PRR16: variants seen among roughly 807,000 people sequenced by gnomAD.
The protein encoded by PRR16 is proline rich 16, also known as protein Largen.
Under a neutral mutation model 18.2 loss-of-function variants are expected in PRR16, and 6 were observed. That is an observed-to-expected ratio of 0.33 (90% CI 0.18 to 0.65). The LOEUF (loss-of-function observed/expected upper bound fraction) is 0.65, where lower values mean the gene tolerates loss of function less well. Ranked by LOEUF, PRR16 falls within the 30% of genes least tolerant of loss-of-function variation. PRR16 has a pLI of 0.74. For missense variants in PRR16, 412 were observed against 376.6 expected (o/e 1.09, Z -0.78); for synonymous variants, 151 against 147.8 (o/e 1.02, Z -0.16).
At chr5:120,787,015 G>C in the PRR16 span, among the ~76,000 whole-genome samples, 1 of 152,084 alleles carries the variant, frequency 6.6e-6, no homozygotes, top group African/African-American at 2.4e-5. Flanking sequence ...ATTTCAAACA[G>C]AATAGAGCAA....
At chr5:120,552,512 G>A (rs543149733) in intron 1 of PRR16, among the ~76,000 whole-genome samples, 1 of 151,956 alleles carries the variant, frequency 6.6e-6, no homozygotes, top group Admixed American at 6.6e-5. Context: ...AGATAAACTT[G>A]CAAATAAGAA....
Position 120,558,927 on chromosome 5 carries a change from G to A in PRR16, c.159+94282G>A, listed in dbSNP as rs1354821420. Among the ~76,000 whole-genome samples, 4 of 151,734 alleles carry A rather than the reference G, an allele frequency of 2.6e-5. No individual in the cohort carries two copies. In the East Asian group the frequency reaches 7.7e-4, roughly 29 times the overall value. ...GAACACCTTTTCATTTGCCTGTTTGGCACTGATATGGCTTCTTTTGAGAAA... is the reference window on the plus strand; with the variant it reads ...GAACACCTTTTCATTTGCCTGTTTGACACTGATATGGCTTCTTTTGAGAAA... On this transcript the variant is annotated intron_variant, in intron 1 of 1. Coordinates refer to ENST00000407149, the MANE Select transcript of PRR16 (RefSeq NM_001300783.2).
the PRR16 span, among the ~76,000 whole-genome samples, chr5:120,779,078 T>C: frequency 2.0e-5 from 3 of 152,300 alleles, no homozygotes; most frequent in Admixed American, 6.5e-5. Context: ...TCATTTCCAA[T>C]GGAACTTAGT....
intron 1 of PRR16, among the ~76,000 whole-genome samples, chr5:120,660,813 A>C (rs1277661753): frequency 6.6e-6 from 1 of 152,086 alleles, no homozygotes; most frequent in South Asian, 2.1e-4. Context: ...TTAAATTATG[A>C]TAGTATTTAG....
intron 1 of PRR16, among the ~76,000 whole-genome samples, chr5:120,635,209 T>A (rs551343456): frequency 2.0e-4 from 31 of 152,216 alleles, no homozygotes; most frequent in African/African-American, 7.5e-4. Context: ...TGGTACCAAT[T>A]TGTTTGACAC....
At chr5:120,644,564 G>A (rs978001054) in intron 1 of PRR16, among the ~76,000 whole-genome samples, 5 of 152,118 alleles carry the variant, frequency 3.3e-5, no homozygotes, top group African/African-American at 9.7e-5. Flanking sequence ...TTTTACACCT[G>A]AGTCAACAGA....
In PRR16 at chr5:120,554,634, CTA is replaced by C. The variant is rs532551169; in HGVS notation, c.159+89991_159+89992del. Among the ~76,000 whole-genome samples, 27 of 151,972 alleles carry C rather than the reference CTA, an allele frequency of 1.8e-4. 2 individuals carry two copies. The South Asian group carries it at 4.4e-3, about 25-fold the overall frequency. Reference sequence around the variant, plus strand: ...GAGAACTAGCATTTGTGACTAGGGACTATGTTTCAGATCTTACGTTAGTTATT... The same window carrying C: ...GAGAACTAGCATTTGTGACTAGGGACTGTTTCAGATCTTACGTTAGTTATT... On this transcript the variant is annotated intron_variant, in intron 1 of 1. Coordinates refer to ENST00000407149, the MANE Select transcript of PRR16 (RefSeq NM_001300783.2).
At chr5:120,634,728 C>A (rs1235516415) in intron 1 of PRR16, among the ~76,000 whole-genome samples, 1 of 151,818 alleles carries the variant, frequency 6.6e-6, no homozygotes, top group Non-Finnish European at 1.5e-5. Flanking sequence ...CAATCCAAAC[C>A]CAAATCCAGC....
chr5:120,503,961 C>A (rs1002978028), intron 1 of PRR16, among the ~76,000 whole-genome samples: 6 of 151,982 alleles, frequency 3.9e-5, no homozygotes, highest in African/African-American at 1.4e-4. Flanking sequence ...CCTACAAAGG[C>A]CATGAACTCA....
the PRR16 span, among the ~76,000 whole-genome samples, chr5:120,765,994 C>T: frequency 6.6e-6 from 1 of 151,846 alleles, no homozygotes; most frequent in South Asian, 2.1e-4. Flanking sequence ...ATTTATTTAT[C>T]CATTCCAGTG....
At chr5:120,642,193 G>C (rs151123875) in intron 1 of PRR16, among the ~76,000 whole-genome samples, 1 of 151,880 alleles carries the variant, frequency 6.6e-6, no homozygotes, top group African/African-American at 2.4e-5. Flanking sequence ...CCACCAAAAA[G>C]ATCTTTTTAA....
chr5:120,724,525 T>A, the PRR16 span, among the ~76,000 whole-genome samples: 1 of 152,106 alleles, frequency 6.6e-6, no homozygotes, highest in Non-Finnish European at 1.5e-5. Flanking sequence ...CTACTGATTT[T>A]ACATGATTTT....
intron 1 of PRR16, among the ~76,000 whole-genome samples, chr5:120,632,966 A>G (rs1324450800): frequency 1.3e-5 from 2 of 152,156 alleles, no homozygotes; most frequent in African/African-American, 4.8e-5. Context: ...AAAGAATCTT[A>G]AGAGTTAGGA....
the PRR16 span, among the ~76,000 whole-genome samples, chr5:120,769,009 G>A: frequency 2.6e-5 from 4 of 151,518 alleles, no homozygotes; most frequent in Admixed American, 6.6e-5. Flanking sequence ...CCACCCATCC[G>A]CCAACATGTA....
At chr5:120,781,021 G>A in the PRR16 span, among the ~76,000 whole-genome samples, 303 of 152,280 alleles carry the variant, frequency 2.0e-3, 2 homozygotes, top group African/African-American at 7.0e-3. Context: ...CTGCCCTTCA[G>A]CCTGGCAACA....
chr5:120,550,660 C>A (rs1173448254), intron 1 of PRR16, among the ~76,000 whole-genome samples: 1 of 152,026 alleles, frequency 6.6e-6, no homozygotes, highest in Non-Finnish European at 1.5e-5. Context: ...AGAAACAACA[C>A]TAAGAGGATT....
At chr5:120,777,559 GA>G in the PRR16 span, among the ~76,000 whole-genome samples, 18 of 148,062 alleles carry the variant, frequency 1.2e-4, no homozygotes, top group South Asian at 3.6e-3. Flanking sequence ...GGTTTATTAT[GA>G]AGCATTTCTC....
the PRR16 span, among the ~76,000 whole-genome samples, chr5:120,787,475 G>A: frequency 6.6e-6 from 1 of 152,076 alleles, no homozygotes; most frequent in Non-Finnish European, 1.5e-5. Context: ...ACTTCTAATG[G>A]TAAGATGATT....
At chr5:120,646,572 T>A (rs1443085317) in intron 1 of PRR16, among the ~76,000 whole-genome samples, 3 of 152,006 alleles carry the variant, frequency 2.0e-5, no homozygotes, top group Non-Finnish European at 4.4e-5. Flanking sequence ...TTTTTTAGCT[T>A]CCATTAAGGA....
Sources: gnomAD v4.1 joint callset for allele counts (sites outside exome capture counted in the v4.1 genomes callset) on GRCh38, gnomAD v4.1.1 for gene constraint, MANE v1.5 for transcripts, NCBI Gene and HGNC (gene_info 2026-07-23, HGNC 2026-07-21) for gene names.